TBC1D8: variants seen among roughly 807,000 people sequenced by gnomAD.
TBC1D8 encodes the protein TBC1 domain family member 8, also known as BUB2-like protein 1.
Under a neutral mutation model 118.8 loss-of-function variants are expected in TBC1D8, and 65 were observed. The observed-to-expected ratio is 0.55, with a 90% CI of 0.45 to 0.67. The LOEUF (loss-of-function observed/expected upper bound fraction) is 0.67, where lower values mean the gene tolerates loss of function less well. Among genes scored for constraint, TBC1D8 ranks in the 30% least tolerant of loss-of-function variants. The pLI, the probability that TBC1D8 is intolerant of heterozygous loss-of-function variation, is 0.00. For missense variants in TBC1D8, 1,376 were observed against 1,471.2 expected (o/e 0.94, Z 1.06); for synonymous variants, 566 against 595.8 (o/e 0.95, Z 0.73).
At chr2:101,076,786 C>T (rs542686753) in intron 2 of TBC1D8, among the ~76,000 whole-genome samples, 1 of 152,330 alleles carries the variant, frequency 6.6e-6, no homozygotes, top group East Asian at 1.9e-4. Flanking sequence ...CTTAGTCATT[C>T]CTGGGCTTGG....
chr2:101,107,907 C>T (rs1280201623), intron 1 of TBC1D8, among the ~76,000 whole-genome samples: 1 of 151,942 alleles, frequency 6.6e-6, no homozygotes, highest in African/African-American at 2.4e-5. Context: ...CAGAAGGTAC[C>T]CTTGAGCCAG....
intron 3 of TBC1D8, 132 bp downstream of exon 3, chr2:101,059,289 A>G: frequency 1.6e-6 from 1 of 611,126 alleles, no homozygotes. Flanking sequence ...GATAAATGAA[A>G]CTTATTTGGC....
intron 4 of TBC1D8, 61 bp downstream of exon 4, chr2:101,054,047 G>A: frequency 6.8e-7 from 1 of 1,470,354 alleles, no homozygotes; most frequent in Non-Finnish European, 9.3e-7. Flanking sequence ...CCCTTCCTGG[G>A]AGCAGCGCTG....
rs1452956466 is a variant in TBC1D8, at chr2:101,022,493, T to TCCAG, written c.2548_2549insCTGG (p.Glu850AlafsTer19). The TCCAG allele has an allele frequency of 2.5e-6, 4 of 1,599,764 alleles. No homozygotes were observed. The highest frequency in any genetic ancestry group is 1.8e-5 in the Admixed American group (1 of 54,716). Reference sequence around the variant, plus strand: ...GCGTGAGGCCATGGGCCTGGGCTGCTCCCAGTAACAGCTCATCATATGTTC... The same window carrying TCCAG: ...GCGTGAGGCCATGGGCCTGGGCTGCTCCAGCCCAGTAACAGCTCATCATATGTTC... On this transcript the variant is annotated frameshift_variant, in exon 16 of 20. Transcript: ENST00000409318. LOFTEE classifies it high-confidence loss of function.
At chr2:101,067,026 G>C (rs985431663) in intron 2 of TBC1D8, among the ~76,000 whole-genome samples, 4 of 150,268 alleles carry the variant, frequency 2.7e-5, no homozygotes, top group African/African-American at 9.8e-5. Context: ...GCATTATTAC[G>C]AATCCTCCCA....
At chr2:101,131,475 T>C (rs1447313343) in intron 1 of TBC1D8, among the ~76,000 whole-genome samples, 1 of 145,390 alleles carries the variant, frequency 6.9e-6, no homozygotes, top group Non-Finnish European at 1.5e-5. Flanking sequence ...AGTGCGCTAT[T>C]GCAGTTCAGC....
chr2:101,143,564 G>A (rs1237596997), intron 1 of TBC1D8, among the ~76,000 whole-genome samples: 3 of 151,980 alleles, frequency 2.0e-5, no homozygotes, highest in Non-Finnish European at 4.4e-5. Context: ...TTCTTCCCCC[G>A]CCGCCCCTAC....
At chr2:101,082,275 A>T (rs1667978344) in intron 2 of TBC1D8, among the ~76,000 whole-genome samples, 1 of 152,216 alleles carries the variant, frequency 6.6e-6, no homozygotes, top group Non-Finnish European at 1.5e-5. Context: ...AACAGCCTGG[A>T]CTTTCCAAGC....
chr2:101,047,431 C>T (rs1193966970), intron 5 of TBC1D8, among the ~76,000 whole-genome samples: 9 of 152,314 alleles, frequency 5.9e-5, no homozygotes, highest in Non-Finnish European at 1.3e-4. Context: ...AGGGACCAAC[C>T]AAAGAGAGCC....
rs70943064 is a variant in TBC1D8, at chr2:101,122,383, C to CAAAAAAAAAA, written c.127+28734_127+28743dup. On this transcript the variant is annotated intron_variant, in intron 1 of 19. Coordinates refer to ENST00000409318, the MANE Select transcript of TBC1D8 (RefSeq NM_001330348.2). Reference sequence around the variant, plus strand: ...ACCGCGCCCGGCCAAGACTCCATTTCAAAAAAAAAAAAAAAAAAAAAAAAA... The same window carrying CAAAAAAAAAA: ...ACCGCGCCCGGCCAAGACTCCATTTCAAAAAAAAAAAAAAAAAAAAAAAAAAAAAAAAAAA... Among the ~76,000 whole-genome samples, 631 of 71,890 alleles carry CAAAAAAAAAA rather than the reference C, an allele frequency of 8.8e-3. 67 individuals are homozygous for CAAAAAAAAAA. The highest frequency in any genetic ancestry group is 0.019 in the East Asian group (36 of 1,908). 47.2% of individuals were successfully genotyped at this position (71,890 alleles called of 152,430 possible). A position where few individuals can be genotyped will look rare whatever the true frequency, so the allele number is the denominator to read the frequency against.
At chr2:101,151,049 CGGGACTGGGGGCCGCGGGCCCGGCGG>C in intron 1 of TBC1D8, 52 bp downstream of exon 1, 2 of 953,854 alleles carry the variant, frequency 2.1e-6, no homozygotes, top group Non-Finnish European at 1.2e-6. Context: ...CGACGCAGCC[CGGGACTGGGGGCCGCGGGCCCGGCGG>C]GGTGCGAGGC....
intron 2 of TBC1D8, among the ~76,000 whole-genome samples, chr2:101,061,106 C>T (rs1430246534): frequency 1.4e-5 from 2 of 145,884 alleles, no homozygotes; most frequent in Non-Finnish European, 1.5e-5. Context: ...GAGAATCTGT[C>T]GAACCTGGGA....
At chr2:101,111,703 A>G (rs1677597522) in intron 1 of TBC1D8, among the ~76,000 whole-genome samples, 1 of 152,200 alleles carries the variant, frequency 6.6e-6, no homozygotes, top group African/African-American at 2.4e-5. Context: ...TCTGATTCAC[A>G]CTGAATTACA....
At chr2:101,053,744 A>T (rs915779109) in intron 4 of TBC1D8, among the ~76,000 whole-genome samples, 2 of 152,216 alleles carry the variant, frequency 1.3e-5, no homozygotes, top group Non-Finnish European at 2.9e-5. Flanking sequence ...CCCGACCTTC[A>T]GCGCCAGGAA....
At chr2:101,133,349 A>G (rs975035854) in intron 1 of TBC1D8, among the ~76,000 whole-genome samples, 7 of 152,078 alleles carry the variant, frequency 4.6e-5, no homozygotes, top group African/African-American at 1.4e-4. Context: ...TCCATTTGCC[A>G]TTCAAGTCTC....
chr2:101,098,665 C>T (rs1408859686), intron 1 of TBC1D8, among the ~76,000 whole-genome samples: 1 of 152,178 alleles, frequency 6.6e-6, no homozygotes, highest in Non-Finnish European at 1.5e-5. Context: ...AACACACAGT[C>T]TCTCAGGCCA....
At chr2:101,134,195 TCTCACACACACACACACA>T (rs1460182046) in intron 1 of TBC1D8, among the ~76,000 whole-genome samples, 1 of 62,754 alleles carries the variant, frequency 1.6e-5, no homozygotes, top group African/African-American at 4.2e-5. Context: ...TCTCTCTCTC[TCTCACACACACACACACA>T]CACACACACA....
At chr2:101,148,107 T>C (rs1021861190) in intron 1 of TBC1D8, among the ~76,000 whole-genome samples, 42 of 152,130 alleles carry the variant, frequency 2.8e-4, no homozygotes, top group Non-Finnish European at 4.6e-4. Flanking sequence ...GAAGTTAGTG[T>C]GATGATCCAT....
intron 2 of TBC1D8, chr2:101,068,551 C>A (rs2105433570): frequency 3.6e-6 from 2 of 548,900 alleles, no homozygotes; most frequent in Admixed American, 2.5e-5. Context: ...AACTTTTACC[C>A]TTAAAATCTC....
Sources: allele counts gnomAD v4.1 joint callset (sites outside exome capture counted in the v4.1 genomes callset), GRCh38; gene constraint gnomAD v4.1.1; transcripts MANE v1.5; gene names NCBI Gene and HGNC (gene_info 2026-07-23, HGNC 2026-07-21).